The following CAMK4 variants were observed in gnomAD, a reference collection of about 807,000 sequenced individuals.
The protein encoded by CAMK4 is calcium/calmodulin dependent protein kinase IV, also known as calcium/calmodulin-dependent protein kinase type IV.
CAMK4 carries 22 observed loss-of-function variants against 44.9 expected under a neutral mutation model. That is an observed-to-expected ratio of 0.49 (90% CI 0.35 to 0.70). The LOEUF (loss-of-function observed/expected upper bound fraction) is 0.70. CAMK4 is among the 30% of genes least tolerant of loss of function. The pLI, the probability that CAMK4 is intolerant of heterozygous loss-of-function variation, is 0.01. For synonymous variants in CAMK4, 218 were observed against 215.4 expected (o/e 1.01, Z -0.11); for missense variants, 498 against 586.8 (o/e 0.85, Z 1.56).
intron 1 of CAMK4, among the ~76,000 whole-genome samples, chr5:111,257,590 A>C (rs1417928781): frequency 6.6e-6 from 1 of 152,306 alleles, no homozygotes; most frequent in African/African-American, 2.4e-5. Flanking sequence ...CAGTGTGGCA[A>C]TTCCTCAAAG....
intron 7 of CAMK4, among the ~76,000 whole-genome samples, chr5:111,459,686 C>CT (rs56176713): frequency 0.043 from 3,722 of 86,642 alleles, 370 homozygotes; most frequent in African/African-American, 0.079. Context: ...TAGAGACAGT[C>CT]TTTTTTTTTT....
chr5:111,232,381 A>G (rs1418390677), intron 1 of CAMK4, among the ~76,000 whole-genome samples: 1 of 152,128 alleles, frequency 6.6e-6, no homozygotes, highest in Non-Finnish European at 1.5e-5. Flanking sequence ...AGACTCTGAA[A>G]TTTGGCAGGA....
chr5:111,257,542 T>C (rs1749793870), intron 1 of CAMK4, among the ~76,000 whole-genome samples: 1 of 152,136 alleles, frequency 6.6e-6, no homozygotes, highest in African/African-American at 2.4e-5. Flanking sequence ...TTTTACACTG[T>C]TGGTGGGAAT....
At chr5:111,443,352 ATATATAG>A (rs1180139271) in intron 5 of CAMK4, among the ~76,000 whole-genome samples, 2 of 141,354 alleles carry the variant, frequency 1.4e-5, no homozygotes, top group East Asian at 4.0e-4. Flanking sequence ...TATATACTAT[ATATATAG>A]TATATATATA....
chr5:111,429,186 C>G (rs1753340014), intron 5 of CAMK4, among the ~76,000 whole-genome samples: 1 of 151,860 alleles, frequency 6.6e-6, no homozygotes, highest in Admixed American at 6.6e-5. Context: ...TGCAAAAGAT[C>G]AGTGAAACAA....
chr5:111,242,448 C>T (rs1013688619), intron 1 of CAMK4, among the ~76,000 whole-genome samples: 1 of 152,162 alleles, frequency 6.6e-6, no homozygotes, highest in African/African-American at 2.4e-5. Flanking sequence ...TCCGTTCCCT[C>T]CTCTGTGTGG....
chr5:111,386,601 CAG>C (rs1354219301), intron 4 of CAMK4, among the ~76,000 whole-genome samples: 1 of 152,164 alleles, frequency 6.6e-6, no homozygotes, highest in African/African-American at 2.4e-5. Flanking sequence ...GCAAATGCAC[CAG>C]AGTCATATGT....
chr5:111,486,620 A>C lies in CAMK4; in HGVS notation c.*2154A>C, dbSNP rs1240444473. 1 of 152,122 alleles carries C rather than the reference A, an allele frequency of 6.6e-6. No individual in the cohort carries two copies. The highest frequency in any genetic ancestry group is 1.9e-4 in the East Asian group (1 of 5,178). 9.4% of individuals were successfully genotyped at this position (152,122 alleles called of 1,614,324 possible). Reference sequence around the variant, plus strand: ...GCGCTTAGCTGAAAGATCAGAACACATCATTCCTCCCTGCCCACCCCCATA... The same window carrying C: ...GCGCTTAGCTGAAAGATCAGAACACCTCATTCCTCCCTGCCCACCCCCATA... On this transcript the variant is annotated 3_prime_UTR_variant, in exon 11 of 11. Transcript: ENST00000282356.
At chr5:111,477,985 C>T (rs1025991691) in intron 8 of CAMK4, among the ~76,000 whole-genome samples, 2 of 152,060 alleles carry the variant, frequency 1.3e-5, no homozygotes, top group Non-Finnish European at 2.9e-5. Flanking sequence ...TATTCAATCT[C>T]TGTCTGCCTG....
At chr5:111,315,647 C>T (rs1393061769) in intron 1 of CAMK4, among the ~76,000 whole-genome samples, 3 of 152,006 alleles carry the variant, frequency 2.0e-5, no homozygotes. Context: ...ATCTCTTTTC[C>T]TCTTAAGACT....
At position 111,224,391 on chromosome 5, in the gene CAMK4, G is replaced by T. The variant is rs1748057220; in HGVS notation, c.-93G>T. ...GCGTGAAGGACGCCGCCTCTCTCTC[G>T]CTCCTGCGTTCGCAGGCGGCGGCTG... On this transcript the variant is annotated 5_prime_UTR_variant, in exon 1 of 11. Transcript: ENST00000282356. The surrounding 1 kb of genome is among the most constrained non-coding windows in gnomAD (Gnocchi z 5.7). 6.9e-7 allele frequency: 1 copy of T among 1,442,830 alleles called. No homozygotes were observed. The highest frequency in any genetic ancestry group is 3.0e-5 in the East Asian group (1 of 33,646). The allele number at this position is 1,442,830 out of a possible 1,614,324, so 89.4% of individuals were successfully genotyped here.
intron 2 of CAMK4, among the ~76,000 whole-genome samples, chr5:111,351,247 A>T (rs992179106): frequency 6.6e-6 from 1 of 152,124 alleles, no homozygotes; most frequent in Non-Finnish European, 1.5e-5. Context: ...ATAGAGAACT[A>T]TGTTTGAATC....
At chr5:111,414,236 T>A (rs1263598784) in intron 5 of CAMK4, among the ~76,000 whole-genome samples, 3 of 152,224 alleles carry the variant, frequency 2.0e-5, no homozygotes, top group African/African-American at 7.2e-5. Flanking sequence ...GAGTATTGCC[T>A]GATGCTATCC....
chr5:111,467,681 TAATCAAAA>T (rs1309362189), intron 7 of CAMK4, among the ~76,000 whole-genome samples: 10 of 152,286 alleles, frequency 6.6e-5, no homozygotes, highest in South Asian at 4.1e-4. Flanking sequence ...AGAATGGCTA[TAATCAAAA>T]AATCAAAAAA....
chr5:111,396,018 A>C (rs1277584229), intron 5 of CAMK4, among the ~76,000 whole-genome samples: 1 of 152,128 alleles, frequency 6.6e-6, no homozygotes, highest in Non-Finnish European at 1.5e-5. Context: ...AGGTCCTATG[A>C]GTTTTACCCA....
chr5:111,470,960 A>C (rs894277311), intron 7 of CAMK4, among the ~76,000 whole-genome samples: 2 of 152,224 alleles, frequency 1.3e-5, no homozygotes, highest in Non-Finnish European at 1.5e-5. Flanking sequence ...CATCCAAAAA[A>C]ACCATTGCCA....
chr5:111,313,052 T>C (rs1342073644), intron 1 of CAMK4, among the ~76,000 whole-genome samples: 1 of 152,140 alleles, frequency 6.6e-6, no homozygotes, highest in Non-Finnish European at 1.5e-5. Flanking sequence ...CCTGTGTTCC[T>C]CAACAGTTTA....
intron 2 of CAMK4, among the ~76,000 whole-genome samples, chr5:111,350,435 GA>G (rs1470622941): frequency 6.6e-6 from 1 of 151,968 alleles, no homozygotes; most frequent in Non-Finnish European, 1.5e-5. Flanking sequence ...AATTACTGCT[GA>G]AAATGGATAC....
At chr5:111,462,398 A>G (rs943379987) in intron 7 of CAMK4, among the ~76,000 whole-genome samples, 2 of 152,180 alleles carry the variant, frequency 1.3e-5, no homozygotes, top group Non-Finnish European at 1.5e-5. Flanking sequence ...GATGAAAAAG[A>G]CTTGTTCTCT....
Sources: gnomAD v4.1 joint callset for allele counts (sites outside exome capture counted in the v4.1 genomes callset) on GRCh38, gnomAD v4.1.1 for gene constraint, Gnocchi (gnomAD v3.1) non-coding constraint, MANE v1.5 for transcripts, NCBI Gene and HGNC (gene_info 2026-07-23, HGNC 2026-07-21) for gene names.